PCDHA8: variants seen among roughly 807,000 people sequenced by gnomAD.
The protein encoded by PCDHA8 is protocadherin alpha-8.
In PCDHA8, 53 loss-of-function variants were observed where a neutral mutation model predicts 61.8. That is an observed-to-expected ratio of 0.86 (90% confidence interval 0.69 to 1.08). The LOEUF is 1.08. Among genes scored for constraint, PCDHA8 ranks in the 50% least tolerant of loss-of-function variants. The probability of loss-of-function intolerance (pLI) is 0.00; values close to 1 mark genes in which losing one functional copy is unlikely to be tolerated. For missense variants in PCDHA8, 1,293 were observed against 1,245.0 expected (o/e 1.04, Z -0.58); for synonymous variants, 618 against 556.6 (o/e 1.11, Z -1.55).
Position 140,842,563 on chromosome 5 carries a change from C to T in PCDHA8, c.1242C>T (p.Asp414=). ...YYSLVLDSAL[D]RERVSAYELV... ...CGTTGGTGCTGGACAGCGCCCTGGA[C>T]CGCGAGAGAGTGTCGGCCTATGAGT... The change falls in exon 1 of 4, where the codon GAC becomes GAT. Residue 414 remains aspartate (D), a synonymous_variant. Coordinates refer to ENST00000531613, the MANE Select transcript of PCDHA8 (RefSeq NM_018911.3). 1.3e-6 allele frequency: 2 copies of T among 1,499,332 alleles called. No homozygotes were observed. Among genetic ancestry groups the T allele is most frequent in the South Asian group, 1.2e-5 (1 of 85,194 alleles). 92.9% of individuals were successfully genotyped at this position (1,499,332 alleles called of 1,614,324 possible).
intron 1 of PCDHA8, among the ~76,000 whole-genome samples, chr5:140,976,876 G>A (rs1166300025): frequency 6.6e-6 from 1 of 152,160 alleles, no homozygotes; most frequent in Non-Finnish European, 1.5e-5. Flanking sequence ...GACAAAGAAA[G>A]AATTAGGATA....
At chr5:140,876,549 G>A in intron 1 of PCDHA8, 2 of 1,614,206 alleles carry the variant, frequency 1.2e-6, no homozygotes, top group Non-Finnish European at 1.7e-6. Flanking sequence ...CGCTCCCTGT[G>A]CAAGAGGATG....
chr5:140,966,183 C>T (rs1399845859), intron 1 of PCDHA8: 1 of 195,556 alleles, frequency 5.1e-6, no homozygotes, highest in African/African-American at 2.3e-5. Flanking sequence ...AGCTGATAGC[C>T]AGACTTCTAG....
In PCDHA8 at chr5:141,011,512, G is replaced by A. The variant is rs561564688; in HGVS notation, c.*1575G>A. On this transcript the variant is annotated 3_prime_UTR_variant, in exon 4 of 4. Coordinates refer to ENST00000531613, the MANE Select transcript of PCDHA8 (RefSeq NM_018911.3). ...TGTACACCTGTGAAAAAGTGGAGTAGTGTTTTTTTAACCATTGTTAATCAG... is the reference window on the plus strand; with the variant it reads ...TGTACACCTGTGAAAAAGTGGAGTAATGTTTTTTTAACCATTGTTAATCAG... 9 of 153,844 alleles carry A rather than the reference G, an allele frequency of 5.9e-5. No homozygotes were observed. Among genetic ancestry groups the A allele is most frequent in the African/African-American group, 2.2e-4 (9 of 41,570 alleles). 9.5% of individuals were successfully genotyped at this position (153,844 alleles called of 1,614,324 possible).
intron 1 of PCDHA8, among the ~76,000 whole-genome samples, chr5:140,937,353 T>C (rs2091494629): frequency 6.6e-6 from 1 of 152,146 alleles, no homozygotes; most frequent in Admixed American, 6.5e-5. Context: ...ATTTATTTTA[T>C]TATTTTATCT....
intron 3 of PCDHA8, among the ~76,000 whole-genome samples, chr5:140,990,307 A>C (rs1409511282): frequency 2.6e-5 from 4 of 152,132 alleles, no homozygotes; most frequent in Non-Finnish European, 5.9e-5. Flanking sequence ...TGTCTGTAAA[A>C]AACCAACCAA....
At chr5:141,001,388 TAC>T (rs1234412755) in intron 3 of PCDHA8, among the ~76,000 whole-genome samples, 4 of 152,238 alleles carry the variant, frequency 2.6e-5, no homozygotes, top group Non-Finnish European at 5.9e-5. Flanking sequence ...CCTAAGATCC[TAC>T]AGAGAACAGG....
chr5:140,873,639 T>G (rs567970956), intron 1 of PCDHA8, among the ~76,000 whole-genome samples: 1 of 152,346 alleles, frequency 6.6e-6, no homozygotes, highest in African/African-American at 2.4e-5. Context: ...AAAGAGTATG[T>G]GAGAACTACA....
chr5:140,930,098 A>G (rs1345846320), intron 1 of PCDHA8: 1 of 152,124 alleles, frequency 6.6e-6, no homozygotes, highest in Non-Finnish European at 1.5e-5. Flanking sequence ...ATTTATACTG[A>G]TAGGAGATCA....
chr5:140,924,887 C>A (rs528979895), intron 1 of PCDHA8, among the ~76,000 whole-genome samples: 1 of 126,448 alleles, frequency 7.9e-6, no homozygotes, highest in African/African-American at 3.2e-5. Flanking sequence ...AGAGCAAGAA[C>A]CTGTCTCAAA....
chr5:140,985,430 A>T lies in PCDHA8; in HGVS notation c.2542+2867A>T, dbSNP rs1158797076. ...GGAAATGGAGTGAGGAGGATTTATT[A>T]GTTGCTGCCTGAAGAAAAGGGAAAT... On this transcript the variant is annotated intron_variant, in intron 3 of 3. Transcript: ENST00000531613. Among the ~76,000 whole-genome samples the T allele has an allele frequency of 2.6e-5, 4 of 152,186 alleles. 1 individual carries two copies. Among genetic ancestry groups the T allele is most frequent in the Non-Finnish European group, 5.9e-5 (4 of 68,036 alleles).
At position 140,928,256 on chromosome 5, in the gene PCDHA8, CT is replaced by C. The variant is rs1563103175; in HGVS notation, c.2395-50692del. 2.5e-6 allele frequency: 4 copies of C among 1,614,234 alleles called. No homozygotes were observed. The Admixed American group carries it at 6.7e-5, about 27-fold the overall frequency. On this transcript the variant is annotated intron_variant, in intron 1 of 3. Transcript: ENST00000531613. ...CAACCCCAGCAGGAACTTTTCGTTG[CT>C]GAAAACAATGGCCCTGGGGCCTCTC... is the stretch of plus-strand genomic sequence containing the variant.
chr5:140,881,803 T>A (rs574659861), intron 1 of PCDHA8, among the ~76,000 whole-genome samples: 5 of 152,058 alleles, frequency 3.3e-5, no homozygotes, highest in Non-Finnish European at 7.3e-5. Context: ...CCAAAACGAG[T>A]GTCGAATATT....
At chr5:140,985,129 G>T (rs545746675) in intron 3 of PCDHA8, among the ~76,000 whole-genome samples, 15 of 152,188 alleles carry the variant, frequency 9.9e-5, no homozygotes, top group Admixed American at 8.5e-4. Context: ...AGTAAAGACG[G>T]GGTTTCACCG....
Position 140,877,583 on chromosome 5 carries a change from T to C in PCDHA8, c.2394+33868T>C. On this transcript the variant is annotated intron_variant, in intron 1 of 3. Transcript: ENST00000531613. ...ATTAACGTGTACCTCATCATCGCCA[T>C]CTGTGCGGTGTCCAGCCTGCTGGTG... 6.2e-7 allele frequency: 1 copy of C among 1,613,816 alleles called. No homozygotes were observed. Among genetic ancestry groups the C allele is most frequent in the Admixed American group, 1.7e-5 (1 of 60,032 alleles).
At chr5:140,860,280 G>A (rs1339122152) in intron 1 of PCDHA8, 2 of 151,906 alleles carry the variant, frequency 1.3e-5, no homozygotes, top group Admixed American at 1.3e-4. Context: ...ACTTGGGAGG[G>A]TGAGGTGGGA....
intron 1 of PCDHA8, chr5:140,853,313 T>G: frequency 1.0e-6 from 1 of 984,212 alleles, no homozygotes; most frequent in South Asian, 4.7e-5. Flanking sequence ...AACACCTTAG[T>G]AATAAATTTA....
intron 3 of PCDHA8, among the ~76,000 whole-genome samples, chr5:141,006,214 TTA>T (rs2098261511): frequency 6.6e-6 from 1 of 152,046 alleles, no homozygotes; most frequent in South Asian, 2.1e-4. Flanking sequence ...TCATTTTTTT[TTA>T]AATTTTTTAT....
Position 140,857,207 on chromosome 5 carries a change from T to C in PCDHA8, c.2394+13492T>C, listed in dbSNP as rs374547664. The C allele has an allele frequency of 2.5e-6, 4 of 1,598,416 alleles. No homozygotes were observed. In the African/African-American group the frequency reaches 5.4e-5, roughly 22 times the overall value. ...AGGAGCCAACGGACAGGTCACCTGC[T>C]CTCTGACGCCTCACGTTCCGTTCAA... is the stretch of plus-strand genomic sequence containing the variant. On this transcript the variant is annotated intron_variant, in intron 1 of 3. Transcript: ENST00000531613.
Sources: allele counts gnomAD v4.1 joint callset (sites outside exome capture counted in the v4.1 genomes callset), GRCh38; gene constraint gnomAD v4.1.1; transcripts MANE v1.5; gene names NCBI Gene and HGNC (gene_info 2026-07-23, HGNC 2026-07-21).